The following ARHGAP15 variants were observed in gnomAD, a reference collection of about 807,000 sequenced individuals.
The protein encoded by ARHGAP15 is rho GTPase-activating protein 15.
A neutral mutation model predicts 63.7 loss-of-function variants in ARHGAP15; 51 were observed. That is an observed-to-expected ratio of 0.80 (90% CI 0.64 to 1.01). The LOEUF is 1.01. Among genes scored for constraint, ARHGAP15 ranks in the 50% least tolerant of loss-of-function variants. ARHGAP15 has a pLI of 0.00. For synonymous variants in ARHGAP15, 191 were observed against 193.8 expected, an observed-to-expected ratio of 0.99 and a Z score of 0.12; for missense variants, 560 against 564.6, an observed-to-expected ratio of 0.99 and a Z score of 0.08.
chr2:143,658,841 T>C (rs1681594400), intron 12 of ARHGAP15, among the ~76,000 whole-genome samples: 1 of 152,242 alleles, frequency 6.6e-6, no homozygotes, highest in Non-Finnish European at 1.5e-5. Context: ...CGTGCCCATT[T>C]CTTAATATAG....
At chr2:143,566,031 A>G (rs1696207854) in intron 11 of ARHGAP15, among the ~76,000 whole-genome samples, 1 of 152,226 alleles carries the variant, frequency 6.6e-6, no homozygotes, top group African/African-American at 2.4e-5. Flanking sequence ...TGTAGAAAAA[A>G]AGTATTCTCA....
At chr2:143,745,508 G>A (rs1033839283) in intron 13 of ARHGAP15, among the ~76,000 whole-genome samples, 3 of 152,202 alleles carry the variant, frequency 2.0e-5, no homozygotes, top group Non-Finnish European at 4.4e-5. Flanking sequence ...GGAGACTCAT[G>A]TCTGTTTCCT....
intron 13 of ARHGAP15, among the ~76,000 whole-genome samples, chr2:143,713,053 A>G (rs149685476): frequency 6.6e-6 from 1 of 152,300 alleles, no homozygotes; most frequent in Non-Finnish European, 1.5e-5. Context: ...ACAAGATGAT[A>G]ATCTAATAGC....
At chr2:143,145,859 TG>T (rs1370193746) in intron 1 of ARHGAP15, among the ~76,000 whole-genome samples, 1 of 150,734 alleles carries the variant, frequency 6.6e-6, no homozygotes. Context: ...TGTGTGTGTG[TG>T]TGTGTGTGTG....
intron 5 of ARHGAP15, among the ~76,000 whole-genome samples, chr2:143,240,794 T>C (rs929999031): frequency 6.6e-6 from 1 of 152,160 alleles, no homozygotes; most frequent in African/African-American, 2.4e-5. Flanking sequence ...TTTATTAATG[T>C]AAACTTTGGA....
At chr2:143,211,949 G>A (rs911123183) in intron 3 of ARHGAP15, among the ~76,000 whole-genome samples, 1 of 152,136 alleles carries the variant, frequency 6.6e-6, no homozygotes, top group South Asian at 2.1e-4. Context: ...AACGTTATGA[G>A]GCATAAGGAC....
chr2:143,756,836 A>T (rs1005853848), intron 13 of ARHGAP15, among the ~76,000 whole-genome samples: 7 of 152,166 alleles, frequency 4.6e-5, no homozygotes, highest in African/African-American at 7.2e-5. Context: ...GAATTAGGTG[A>T]TTAAAAAATC....
chr2:143,214,382 T>C (rs1044499778), intron 3 of ARHGAP15, among the ~76,000 whole-genome samples: 1 of 152,202 alleles, frequency 6.6e-6, no homozygotes, highest in African/African-American at 2.4e-5. Context: ...TGAAAACATC[T>C]TTCTTCCAAA....
intron 2 of ARHGAP15, among the ~76,000 whole-genome samples, chr2:143,176,954 A>G (rs759655539): frequency 1.3e-5 from 2 of 152,140 alleles, no homozygotes; most frequent in Non-Finnish European, 2.9e-5. Context: ...TCCTTATGGC[A>G]TAGGGACTAC....
chr2:143,642,465 C>T (rs915163163), intron 12 of ARHGAP15, among the ~76,000 whole-genome samples: 8 of 152,066 alleles, frequency 5.3e-5, no homozygotes, highest in African/African-American at 1.9e-4. Context: ...AGGAAACCCT[C>T]AGGTGATCCT....
rs556113748 is a variant in ARHGAP15 at position 143,661,857 on chromosome 2, C to T, written c.1138+37590C>T. On this transcript the variant is annotated intron_variant, in intron 12 of 13. Coordinates refer to ENST00000295095, the MANE Select transcript of ARHGAP15 (RefSeq NM_018460.4). ...ACTCCCACCCGAATATTACGCTTTT[C>T]GGACCGGCTTAAAAAATGGCGCACC... Among the ~76,000 whole-genome samples, 3 of 152,330 alleles carry T rather than the reference C, an allele frequency of 2.0e-5. No homozygotes were observed. The East Asian group carries it at 5.8e-4, about 29-fold the overall frequency.
At chr2:143,660,750 C>T (rs1681721992) in intron 12 of ARHGAP15, among the ~76,000 whole-genome samples, 1 of 152,188 alleles carries the variant, frequency 6.6e-6, no homozygotes, top group South Asian at 2.1e-4. Context: ...AAATCTTCTC[C>T]TAATTAATGA....
intron 6 of ARHGAP15, among the ~76,000 whole-genome samples, chr2:143,390,276 C>T (rs1426451249): frequency 6.6e-6 from 1 of 152,110 alleles, no homozygotes; most frequent in Non-Finnish European, 1.5e-5. Flanking sequence ...TGCGAAGACC[C>T]TGGCGATTCC....
chr2:143,395,716 T>C (rs1687726930), intron 6 of ARHGAP15, among the ~76,000 whole-genome samples: 1 of 152,066 alleles, frequency 6.6e-6, no homozygotes, highest in Non-Finnish European at 1.5e-5. Flanking sequence ...TCTCATTCAG[T>C]GGCCCTGTGG....
At position 143,435,585 on chromosome 2, in the gene ARHGAP15, T is replaced by TTC; in HGVS notation, c.475-15_475-14insCT. 2 of 1,465,718 alleles carry TTC rather than the reference T, an allele frequency of 1.4e-6. No homozygotes were observed. Among genetic ancestry groups the TTC allele is most frequent in the Non-Finnish European group, 1.8e-6 (2 of 1,111,058 alleles). The allele number at this position is 1,465,718 out of a possible 1,614,324, so 90.8% of individuals were successfully genotyped here. On this transcript the variant is annotated splice_polypyrimidine_tract_variant and intron_variant, in intron 6 of 13. Transcript: ENST00000295095. ...CTTTACCTGTCTATTTCTTTTTCTTTTTTTTTTTTTTGCAGATCACAACAG... is the reference window on the plus strand; with the variant it reads ...CTTTACCTGTCTATTTCTTTTTCTTTTCTTTTTTTTTTTGCAGATCACAACAG...
intron 11 of ARHGAP15, among the ~76,000 whole-genome samples, chr2:143,619,367 T>A (rs555964003): frequency 2.6e-5 from 4 of 152,124 alleles, no homozygotes; most frequent in Admixed American, 2.6e-4. Flanking sequence ...ATTTAGGTTG[T>A]GTGTGTGTGT....
At chr2:143,151,648 G>A (rs550211633) in intron 1 of ARHGAP15, among the ~76,000 whole-genome samples, 1 of 152,114 alleles carries the variant, frequency 6.6e-6, no homozygotes, top group East Asian at 1.9e-4. Context: ...TTAAGCCTAA[G>A]TGAATGCTGC....
At chr2:143,534,201 G>T (rs1694646322) in intron 10 of ARHGAP15, among the ~76,000 whole-genome samples, 1 of 152,114 alleles carries the variant, frequency 6.6e-6, no homozygotes, top group African/African-American at 2.4e-5. Context: ...TTTATAAGGG[G>T]CTCTTCCTCC....
At chr2:143,326,721 C>T (rs1449482963) in intron 6 of ARHGAP15, among the ~76,000 whole-genome samples, 1 of 152,186 alleles carries the variant, frequency 6.6e-6, no homozygotes, top group African/African-American at 2.4e-5. Context: ...AACACTCCTT[C>T]ATGCTACAAA....
Sources: allele counts gnomAD v4.1 joint callset (sites outside exome capture counted in the v4.1 genomes callset), GRCh38; gene constraint gnomAD v4.1.1; transcripts MANE v1.5; gene names NCBI Gene and HGNC (gene_info 2026-07-23, HGNC 2026-07-21).